Variants in ZFPM2 observed in about 807,000 individuals in gnomAD.
The protein encoded by ZFPM2 is zinc finger protein ZFPM2.
Under a neutral mutation model 98.6 loss-of-function variants are expected in ZFPM2, and 20 were observed. That is an observed-to-expected ratio of 0.20 (90% confidence interval 0.14 to 0.29). The LOEUF is 0.29. ZFPM2 is among the 10% of genes least tolerant of loss of function. The probability of loss-of-function intolerance (pLI) is 1.00; values close to 1 mark genes in which losing one functional copy is unlikely to be tolerated. For synonymous variants in ZFPM2, 518 were observed against 502.7 expected (o/e 1.03, Z -0.41); for missense variants, 1,310 against 1,388.6 (o/e 0.94, Z 0.90).
At chr8:105,555,381 A>G (rs868862740) in intron 3 of ZFPM2, among the ~76,000 whole-genome samples, 13 of 152,202 alleles carry the variant, frequency 8.5e-5, no homozygotes, top group Admixed American at 7.2e-4. Flanking sequence ...TGAACGCATT[A>G]CATAGAAGGT....
At chr8:105,392,329 C>T (rs1285718717) in intron 1 of ZFPM2, among the ~76,000 whole-genome samples, 4 of 152,118 alleles carry the variant, frequency 2.6e-5, no homozygotes, top group Non-Finnish European at 5.9e-5. Context: ...TCATTTAAAA[C>T]TTGTTCTTTA....
At chr8:105,488,014 G>A (rs1259455514) in intron 3 of ZFPM2, among the ~76,000 whole-genome samples, 1 of 151,578 alleles carries the variant, frequency 6.6e-6, no homozygotes, top group Non-Finnish European at 1.5e-5. Context: ...CGAAGGTGCA[G>A]AAGCATCCCA....
intron 5 of ZFPM2, among the ~76,000 whole-genome samples, chr8:105,673,726 T>C (rs918676583): frequency 5.3e-5 from 8 of 152,334 alleles, no homozygotes; most frequent in African/African-American, 1.9e-4. Flanking sequence ...AACAAGAGTT[T>C]ATTTAGGATG....
chr8:105,736,702 G>T (rs978838611), intron 5 of ZFPM2, among the ~76,000 whole-genome samples: 2 of 151,964 alleles, frequency 1.3e-5, no homozygotes, highest in African/African-American at 2.4e-5. Flanking sequence ...CCAATGATTG[G>T]CTACACATGG....
intron 3 of ZFPM2, among the ~76,000 whole-genome samples, chr8:105,549,126 C>T (rs1480202073): frequency 1.1e-4 from 16 of 152,106 alleles, no homozygotes; most frequent in Non-Finnish European, 1.9e-4. Flanking sequence ...ATAATATCAG[C>T]TTTCCTTCCT....
At chr8:105,520,123 G>C (rs1045184446) in intron 3 of ZFPM2, among the ~76,000 whole-genome samples, 1 of 152,142 alleles carries the variant, frequency 6.6e-6, no homozygotes, top group African/African-American at 2.4e-5. Flanking sequence ...TTCAATTGAT[G>C]AAAGGATCAC....
intron 1 of ZFPM2, among the ~76,000 whole-genome samples, chr8:105,354,380 A>T (rs1812702563): frequency 6.6e-6 from 1 of 152,240 alleles, no homozygotes; most frequent in African/African-American, 2.4e-5. Flanking sequence ...CTTTTAATTA[A>T]AAAGCAGAAA....
rs754445604 is a variant in ZFPM2 at position 105,765,245 on chromosome 8, A to T, written c.533-23473A>T. 2.6e-5 allele frequency among the ~76,000 whole-genome samples: 4 copies of T among 151,796 alleles called. No individual in the cohort carries two copies. In the East Asian group the frequency reaches 7.7e-4, roughly 29 times the overall value. On this transcript the variant is annotated intron_variant, in intron 5 of 7. Coordinates refer to ENST00000407775, the MANE Select transcript of ZFPM2 (RefSeq NM_012082.4). ...CCTAGTTAACTACCAGTGCTTTTAA[A>T]TTTTGTAAAATAGCACAAATACTAG...
At chr8:105,562,260 A>G (rs1815154993) in intron 4 of ZFPM2, among the ~76,000 whole-genome samples, 1 of 152,132 alleles carries the variant, frequency 6.6e-6, no homozygotes, top group Non-Finnish European at 1.5e-5. Context: ...CAGTGATCCA[A>G]GATCGTGCCA....
intron 5 of ZFPM2, among the ~76,000 whole-genome samples, chr8:105,758,417 T>C (rs1812656067): frequency 6.6e-6 from 1 of 152,168 alleles, no homozygotes; most frequent in Non-Finnish European, 1.5e-5. Flanking sequence ...GGCTAAGTTA[T>C]ACCTATCATC....
At chr8:105,319,857 C>G (rs1416759274) in intron 1 of ZFPM2, 1 of 152,192 alleles carries the variant, frequency 6.6e-6, no homozygotes, top group Admixed American at 6.5e-5. Context: ...TCAAGAGACA[C>G]CTTCCGAAAC....
At chr8:105,465,162 T>C (rs1304128051) in intron 3 of ZFPM2, among the ~76,000 whole-genome samples, 1 of 151,946 alleles carries the variant, frequency 6.6e-6, no homozygotes, top group Admixed American at 6.6e-5. Context: ...GGAAGATACA[T>C]TTATCTGCAG....
intron 1 of ZFPM2, among the ~76,000 whole-genome samples, chr8:105,351,108 G>A (rs1486675924): frequency 1.3e-5 from 2 of 150,022 alleles, no homozygotes; most frequent in African/African-American, 2.5e-5. Context: ...GCTTGAACCT[G>A]GGAGACAGAG....
intron 3 of ZFPM2, among the ~76,000 whole-genome samples, chr8:105,540,553 A>G (rs1203092607): frequency 6.6e-6 from 1 of 152,128 alleles, no homozygotes; most frequent in African/African-American, 2.4e-5. Flanking sequence ...AACTATTGAA[A>G]TGAAACATAC....
intron 4 of ZFPM2, among the ~76,000 whole-genome samples, chr8:105,581,964 T>C (rs562657341): frequency 6.6e-6 from 1 of 152,356 alleles, no homozygotes; most frequent in South Asian, 2.1e-4. Flanking sequence ...CCTTCTATTA[T>C]AGTGGGGCCT....
intron 4 of ZFPM2, among the ~76,000 whole-genome samples, chr8:105,594,765 A>G (rs1008466882): frequency 6.6e-6 from 1 of 152,100 alleles, no homozygotes; most frequent in Non-Finnish European, 1.5e-5. Context: ...GGCCCTTTTC[A>G]GCACTCATGT....
chr8:105,768,357 C>T (rs529925540), intron 5 of ZFPM2, among the ~76,000 whole-genome samples: 2 of 152,014 alleles, frequency 1.3e-5, no homozygotes, highest in East Asian at 3.9e-4. Context: ...GTATAAATAT[C>T]TCTAGAAGCA....
intron 5 of ZFPM2, among the ~76,000 whole-genome samples, chr8:105,775,775 CAG>C (rs1215969488): frequency 6.6e-6 from 1 of 152,106 alleles, no homozygotes; most frequent in Non-Finnish European, 1.5e-5. Flanking sequence ...GCAAAGCACT[CAG>C]GGCACAAACC....
intron 2 of ZFPM2, among the ~76,000 whole-genome samples, chr8:105,431,285 C>CT (rs1812015416): frequency 6.6e-6 from 1 of 152,132 alleles, no homozygotes; most frequent in Admixed American, 6.5e-5. Flanking sequence ...ATGCCCAACT[C>CT]TAAATTACGT....
Sources: gnomAD v4.1 joint callset for allele counts (sites outside exome capture counted in the v4.1 genomes callset) on GRCh38, gnomAD v4.1.1 for gene constraint, MANE v1.5 for transcripts, NCBI Gene and HGNC (gene_info 2026-07-23, HGNC 2026-07-21) for gene names.